The following TBR1 variants were observed in gnomAD, a reference collection of about 807,000 sequenced individuals.
TBR1 encodes T-box brain transcription factor 1, also known as T-box brain protein 1.
A neutral mutation model predicts 60.3 loss-of-function variants in TBR1; 7 were observed. That is an observed-to-expected ratio of 0.12 (90% CI 0.07 to 0.22). TBR1 has a LOEUF of 0.22. TBR1 is among the 10% of genes least tolerant of loss of function. TBR1 has a pLI of 1.00. For synonymous variants in TBR1, 417 were observed against 409.9 expected (o/e 1.02, Z -0.21); for missense variants, 616 against 936.8 (o/e 0.66, Z 4.47).
chr2:161,418,811 C>G, intron 3 of TBR1, 81 bp from the exon 4 acceptor site: 1 of 1,512,282 alleles, frequency 6.6e-7, no homozygotes, highest in South Asian at 1.3e-5. Flanking sequence ...GGCCCGGGCG[C>G]GCAGCCGGGC....
Position 161,418,223 on chromosome 2 carries a change from G to T in TBR1, c.870G>T (p.Pro290=), listed in dbSNP as rs777745464. 1 of 1,613,372 alleles carries T rather than the reference G, an allele frequency of 6.2e-7. No individual in the cohort carries two copies. The highest frequency in any genetic ancestry group is 8.5e-7 in the Non-Finnish European group (1 of 1,179,832). Residue 290 remains proline, a synonymous_variant, in exon 3 of 6, where the codon CCG becomes CCT. Transcript: ENST00000389554. ...NVQGNRVYMH[P]DSPNTGAHWM... ...TAGGAAATCGGGTCTATATGCATCC[G>T]GATTCCCCCAACACTGGGGCTCACT...
At position 161,417,539 on chromosome 2, in the gene TBR1, A is replaced by G. The variant is rs912525718; in HGVS notation, c.693-137A>G. The G allele has an allele frequency of 4.5e-5, 52 of 1,154,764 alleles. 1 individual carries two copies. The African/African-American group carries it at 6.1e-4, about 13-fold the overall frequency. The allele number at this position is 1,154,764 out of a possible 1,614,324, so 71.5% of individuals were successfully genotyped here. A position where few individuals can be genotyped will look rare whatever the true frequency, so the allele number is the denominator to read the frequency against. On this transcript the variant is annotated intron_variant, in intron 1 of 5. Coordinates refer to ENST00000389554, the MANE Select transcript of TBR1 (RefSeq NM_006593.4). This position sits in a 1 kb window ranked among gnomAD's most constrained non-coding sequence, Gnocchi z 5.3. The stretch of plus-strand genomic sequence containing the variant: ...TTTCTTCTCCCACCACCCTTTTTCT[A>G]ATCCAGCAAATATTCGCCTATTTGC...
rs991511981 is a variant in TBR1, at chr2:161,423,874, C to T, written c.1696C>T (p.Pro566Ser). The T allele has an allele frequency of 4.6e-5, 63 of 1,382,844 alleles. No individual in the cohort carries two copies. In the African/African-American group the frequency reaches 9.4e-4, roughly 21 times the overall value. The allele number at this position is 1,382,844 out of a possible 1,614,324, so 85.7% of individuals were successfully genotyped here. A position where few individuals can be genotyped will look rare whatever the true frequency, so the allele number is the denominator to read the frequency against. ...TKSGSVLPCW[P>S]NSAAAAARMA... ...GTCGGGCTCGGTGCTGCCCTGCTGG[C>T]CCAACAGCGCCGCGGCCGCCGCGCG... Residue 566 changes from proline to serine, a missense_variant, in exon 6 of 6, where the codon CCC becomes TCC. Pro to Ser is a moderately conservative substitution (Grantham distance 74). Coordinates refer to ENST00000389554, the MANE Select transcript of TBR1 (RefSeq NM_006593.4).
chr2:161,417,902 A>AC lies in TBR1; in HGVS notation c.847+73dup. 1 of 1,549,604 alleles carries AC rather than the reference A, an allele frequency of 6.5e-7. No individual in the cohort carries two copies. The highest frequency in any genetic ancestry group is 2.3e-5 in the East Asian group (1 of 42,796). On this transcript the variant is annotated intron_variant, in intron 2 of 5. Transcript: ENST00000389554. This position sits in a 1 kb window ranked among gnomAD's most constrained non-coding sequence, Gnocchi z 5.3. ...GAATGATTAATTAAAGCCTTTGTGG[A>AC]CTGGCTCGAGCGACTTTTAAAACGA...
chr2:161,423,117 T>C (rs1156596417), intron 5 of TBR1: 31 of 378,068 alleles, frequency 8.2e-5, no homozygotes, highest in Admixed American at 4.5e-5. Flanking sequence ...AGTCGTTCCC[T>C]TGATGGTCTG....
At position 161,424,086 on chromosome 2, in the gene TBR1, G is replaced by A. The variant is rs1684281574; in HGVS notation, c.1908G>A (p.Lys636=). ...SSDSGIYEQA[K]RRRISPADTP... ...ACTCGGGGATTTACGAGCAGGCCAA[G>A]CGGAGGCGGATCTCGCCGGCCGACA... Residue 636 remains lysine (K), a synonymous_variant, in exon 6 of 6, where the codon AAG becomes AAA. Transcript: ENST00000389554. The surrounding 1 kb of genome is among the most constrained non-coding windows in gnomAD (Gnocchi z 4.4). 6.2e-7 allele frequency: 1 copy of A among 1,611,568 alleles called. No homozygotes were observed. The highest frequency in any genetic ancestry group is 1.3e-5 in the African/African-American group (1 of 74,910).
chr2:161,420,839 C>CGCTG (rs1401255842), intron 5 of TBR1: 2 of 152,296 alleles, frequency 1.3e-5, no homozygotes, highest in Non-Finnish European at 2.9e-5. Context: ...TGAGCAGAAC[C>CGCTG]GCTGTTATGG....
rs1325790732 is a variant in TBR1, at chr2:161,416,802, G to C, written c.392G>C (p.Gly131Ala). The C allele has an allele frequency of 1.2e-6, 2 of 1,614,140 alleles. No individual in the cohort carries two copies. The highest frequency in any genetic ancestry group is 1.7e-6 in the Non-Finnish European group (2 of 1,180,044). ...ATGTTCCCGTACCCCGGCCAGCACG[G>C]ACCGGCGCACCCCGCCTTCTCCATC... ...SAMFPYPGQH[G>A]PAHPAFSIGS... The change falls in exon 1 of 6, where the codon GGA becomes GCA. Residue 131 changes from glycine to alanine, a missense_variant. By Grantham distance (60) the Gly-to-Ala change is moderately conservative. Transcript: ENST00000389554. This position sits in a 1 kb window ranked among gnomAD's most constrained non-coding sequence, Gnocchi z 6.1.
Position 161,423,533 on chromosome 2 carries a change from G to T in TBR1, c.1355G>T (p.Gly452Val), listed in dbSNP as rs753182668. 1.9e-6 allele frequency: 3 copies of T among 1,577,490 alleles called. No homozygotes were observed. In the East Asian group the frequency reaches 7.3e-5, roughly 38 times the overall value. The stretch of plus-strand genomic sequence containing the variant: ...CGCTTCCACCCGGGCGCGGGCGCGG[G>T]CCCCGGGCCGGGTACGGACCGCAGC... ...KARFHPGAGA[G>V]PGPGTDRSVP... Residue 452 changes from glycine (G) to valine (V), a missense_variant, in exon 6 of 6, where the codon GGC becomes GTC. This residue lies in a region of TBR1 where 80 missense variants were observed against 75.3 expected (regional missense o/e 1.06). Transcript: ENST00000389554.
chr2:161,424,205 A>G lies in TBR1; in HGVS notation c.2027A>G (p.Tyr676Cys), dbSNP rs1464411144. The G allele has an allele frequency of 1.2e-6, 2 of 1,601,192 alleles. No individual in the cohort carries two copies. The highest frequency in any genetic ancestry group is 1.1e-5 in the South Asian group (1 of 89,412). ...KNCAKDISGY[Y>C]GFYSHS The stretch of plus-strand genomic sequence containing the variant: ...TGCGCCAAGGACATTAGCGGCTACT[A>G]TGGCTTCTACTCGCACAGCTAGGCC... The change falls in exon 6 of 6, where the codon TAT (tyrosine) becomes TGT (cysteine). Residue 676 changes from tyrosine (Y) to cysteine (C), a missense_variant. Physicochemically the swap from Tyr to Cys is radical, Grantham distance 194 (BLOSUM62 -2). Coordinates refer to ENST00000389554, the MANE Select transcript of TBR1 (RefSeq NM_006593.4). This position sits in a 1 kb window ranked among gnomAD's most constrained non-coding sequence, Gnocchi z 4.4.
Position 161,417,946 on chromosome 2 carries a change from A to T in TBR1, c.847+116A>T. 11 of 1,477,768 alleles carry T rather than the reference A, an allele frequency of 7.4e-6. No individual in the cohort carries two copies. The highest frequency in any genetic ancestry group is 9.9e-6 in the Non-Finnish European group (11 of 1,113,886). 91.5% of individuals were successfully genotyped at this position (1,477,768 alleles called of 1,614,324 possible). ...AAAACGATCGGCCAATGACTTCTAA[A>T]AGGAAACGAGGGGGACAGGGGGACA... On this transcript the variant is annotated intron_variant, in intron 2 of 5. Transcript: ENST00000389554. The surrounding 1 kb of genome is among the most constrained non-coding windows in gnomAD (Gnocchi z 5.3).
chr2:161,418,871 C>T (rs769989355), intron 3 of TBR1, 21 bp from the exon 4 acceptor site: 3 of 1,600,830 alleles, frequency 1.9e-6, no homozygotes, highest in African/African-American at 1.3e-5. Context: ...CCCGGCGCTC[C>T]CCTTTCTTCC....
Position 161,418,727 on chromosome 2 carries a change from C to T in TBR1, c.970-165C>T, listed in dbSNP as rs1684176613. On this transcript the variant is annotated intron_variant, in intron 3 of 5. Transcript: ENST00000389554. ...CAGAGGTGCGAAAGCCGGTCTGCCC[C>T]AGCCAGCCAGCCGCCAGCCAGGCGA... 7 of 977,800 alleles carry T rather than the reference C, an allele frequency of 7.2e-6. No individual in the cohort carries two copies. The East Asian group carries it at 1.8e-4, about 25-fold the overall frequency. 60.6% of individuals were successfully genotyped at this position (977,800 alleles called of 1,614,324 possible). A position where few individuals can be genotyped will look rare whatever the true frequency, so the allele number is the denominator to read the frequency against.
Position 161,423,802 on chromosome 2 carries a change from C to G in TBR1, c.1624C>G (p.Pro542Ala). 2 of 1,477,426 alleles carry G rather than the reference C, an allele frequency of 1.4e-6. No homozygotes were observed. The highest frequency in any genetic ancestry group is 1.8e-6 in the Non-Finnish European group (2 of 1,119,302). The allele number at this position is 1,477,426 out of a possible 1,614,324, so 91.5% of individuals were successfully genotyped here. Residue 542 changes from proline (P) to alanine (A), a missense_variant, in exon 6 of 6, where the codon CCG (proline) becomes GCG (alanine). This residue lies in a region of TBR1 where 210 missense variants were observed against 297.4 expected (regional missense o/e 0.71). Coordinates refer to ENST00000389554, the MANE Select transcript of TBR1 (RefSeq NM_006593.4). Reference protein sequence around the residue: ...TGRPLGYYADPSGWGARSPPQ... With the variant: ...TGRPLGYYADASGWGARSPPQ... ...CCGCCCGCTCGGCTACTACGCCGACCCGTCGGGCTGGGGCGCCCGCAGTCC... is the reference window on the plus strand; with the variant it reads ...CCGCCCGCTCGGCTACTACGCCGACGCGTCGGGCTGGGGCGCCCGCAGTCC...
rs746662536 is a variant in TBR1 at position 161,417,097 on chromosome 2, G to A, written c.687G>A (p.Gln229=). The change falls in exon 1 of 6, where the codon CAG becomes CAA. Residue 229 remains glutamine, a synonymous_variant. Transcript: ENST00000389554. This position sits in a 1 kb window ranked among gnomAD's most constrained non-coding sequence, Gnocchi z 5.3. ...AAACGGAGATGATCATCACCAAACAGGGAAGGTAATACTACATTTTTGGCT... is the reference window on the plus strand; with the variant it reads ...AAACGGAGATGATCATCACCAAACAAGGAAGGTAATACTACATTTTTGGCT... ...RHQTEMIITK[Q]GRRMFPFLSF... is the part of the protein sequence containing the mutation. 1 of 1,599,326 alleles carries A rather than the reference G, an allele frequency of 6.3e-7. No homozygotes were observed.
rs761171156 is a variant in TBR1, at chr2:161,423,677, A to G, written c.1499A>G (p.Tyr500Cys). 1.3e-6 allele frequency: 2 copies of G among 1,545,532 alleles called. No individual in the cohort carries two copies. Among genetic ancestry groups the G allele is most frequent in the Non-Finnish European group, 1.7e-6 (2 of 1,155,536 alleles). Residue 500 changes from tyrosine (Y) to cysteine (C), a missense_variant, in exon 6 of 6, where the codon TAT becomes TGT. Physicochemically the swap from Tyr to Cys is radical, Grantham distance 194 (BLOSUM62 -2). Coordinates refer to ENST00000389554, the MANE Select transcript of TBR1 (RefSeq NM_006593.4). ...CGGCTGGACTTCGCGGCCTCGGCCT[A>G]TGACACGGCCACGGACTTCGCGGGC... is the stretch of plus-strand genomic sequence containing the variant. ...NNRLDFAASAYDTATDFAGNA... is the reference protein window; with the variant it reads ...NNRLDFAASACDTATDFAGNA...
chr2:161,418,698 C>T, intron 3 of TBR1, 194 bp from the exon 4 acceptor site: 2 of 739,520 alleles, frequency 2.7e-6, no homozygotes, highest in Middle Eastern at 4.0e-4. Flanking sequence ...CTTATCTTCG[C>T]TCCCAGAGGT....
Position 161,417,726 on chromosome 2 carries a change from C to G in TBR1, c.743C>G (p.Ala248Gly). The part of the protein sequence containing the change: ...SFNISGLDPT[A>G]HYNIFVDVIL... Reference sequence around the variant, plus strand: ...AACATTTCTGGTCTCGATCCCACGGCTCATTACAATATTTTTGTGGATGTG... The same window carrying G: ...AACATTTCTGGTCTCGATCCCACGGGTCATTACAATATTTTTGTGGATGTG... The change falls in exon 2 of 6, where the codon GCT becomes GGT. Residue 248 changes from alanine (A) to glycine (G), a missense_variant. This residue lies in a region of TBR1 where 85 missense variants were observed against 164.9 expected (regional missense o/e 0.52). Transcript: ENST00000389554. This position sits in a 1 kb window ranked among gnomAD's most constrained non-coding sequence, Gnocchi z 5.3. 1 of 1,614,048 alleles carries G rather than the reference C, an allele frequency of 6.2e-7. No homozygotes were observed. Among genetic ancestry groups the G allele is most frequent in the Non-Finnish European group, 8.5e-7 (1 of 1,180,008 alleles).
At position 161,416,550 on chromosome 2, in the gene TBR1, A is replaced by C. The variant is rs758657791; in HGVS notation, c.140A>C (p.Glu47Ala). ...ATTATCTCGACCACTGACAACCTGG[A>C]GAGAAGTTCACCTTTGAAAAAAATT... ...HPIISTTDNL[E>A]RSSPLKKITR... The change falls in exon 1 of 6, where the codon GAG (glutamate) becomes GCG (alanine). Residue 47 changes from glutamate to alanine, a missense_variant. Physicochemically the swap from Glu to Ala is moderately radical, Grantham distance 107. This residue lies in a region of TBR1 where 211 missense variants were observed against 268.7 expected (regional missense o/e 0.79). Coordinates refer to ENST00000389554, the MANE Select transcript of TBR1 (RefSeq NM_006593.4). The surrounding 1 kb of genome is among the most constrained non-coding windows in gnomAD (Gnocchi z 6.1). The C allele has an allele frequency of 5.6e-6, 9 of 1,614,062 alleles. No individual in the cohort carries two copies. The highest frequency in any genetic ancestry group is 8.5e-7 in the Non-Finnish European group (1 of 1,180,034).
Sources: gnomAD v4.1 joint callset for allele counts on GRCh38, gnomAD v4.1.1 for gene constraint, gnomAD v4.1.1 regional missense constraint, Gnocchi (gnomAD v3.1) non-coding constraint, MANE v1.5 for transcripts, NCBI Gene and HGNC (gene_info 2026-07-23, HGNC 2026-07-21) for gene names.